IL1RAPL1: variants seen among roughly 807,000 people sequenced by gnomAD.
IL1RAPL1 encodes interleukin-1 receptor accessory protein-like 1.
A neutral mutation model predicts 48.4 loss-of-function variants in IL1RAPL1; 3 were observed. The ratio of observed to expected loss-of-function variants is 0.06; its 90% confidence interval spans 0.03 to 0.16. IL1RAPL1 has a LOEUF of 0.16. Among genes scored for constraint, IL1RAPL1 ranks in the 10% least tolerant of loss-of-function variants. The probability of loss-of-function intolerance (pLI) is 1.00; values close to 1 mark genes in which losing one functional copy is unlikely to be tolerated. For missense variants in IL1RAPL1, 349 were observed against 530.6 expected, an observed-to-expected ratio of 0.66 and a Z score of 3.36; for synonymous variants, 185 against 187.7, an observed-to-expected ratio of 0.99 and a Z score of 0.12.
At chrX:29,242,951 A>G (rs1931447951) in intron 2 of IL1RAPL1, among the ~76,000 whole-genome samples, 1 of 111,923 alleles carries the variant, frequency 8.9e-6, no homozygotes, top group African/African-American at 3.2e-5. Context: ...AGAAAACCCA[A>G]TCCTATCAAA....
Position 28,836,366 on chromosome X carries a change from C to CAG in IL1RAPL1, c.82+46961_82+46962dup, listed in dbSNP as rs764336117. The stretch of plus-strand genomic sequence containing the variant: ...TATATATATATATATATATATATGA[C>CAG]AGAGAGAGAGAGAGAGAGAGACAGA... On this transcript the variant is annotated intron_variant, in intron 2 of 10. Transcript: ENST00000378993. Among the ~76,000 whole-genome samples, 79 of 91,750 alleles carry CAG rather than the reference C, an allele frequency of 8.6e-4. 2 individuals are homozygous for CAG. The highest frequency in any genetic ancestry group is 5.0e-3 in the Admixed American group (42 of 8,397). The allele number at this position is 91,750 out of a possible 115,157, so 79.7% of individuals were successfully genotyped here.
At chrX:28,967,412 A>G (rs1924947529) in intron 2 of IL1RAPL1, among the ~76,000 whole-genome samples, 1 of 110,793 alleles carries the variant, frequency 9.0e-6, no homozygotes, top group Non-Finnish European at 1.9e-5. Context: ...TTATATCTAC[A>G]TACTGTTCTA....
At position 29,535,134 on chromosome X, in the gene IL1RAPL1, C is replaced by CAAAAAAAAA. The variant is rs35842937; in HGVS notation, c.704-133276_704-133268dup. ...GGGCAATGGAGTCAGACTCTGTCTC[C>CAAAAAAAAA]AAAAAAAAAAAAAAAAAAAAAAAAA... On this transcript the variant is annotated intron_variant, in intron 5 of 10. Coordinates refer to ENST00000378993, the MANE Select transcript of IL1RAPL1 (RefSeq NM_014271.4). Among the ~76,000 whole-genome samples the CAAAAAAAAA allele has an allele frequency of 2.2e-4, 5 of 22,585 alleles. 1 individual carries two copies. The highest frequency in any genetic ancestry group is 2.9e-4 in the Non-Finnish European group (4 of 13,993). The allele number at this position is 22,585 out of a possible 115,157, so 19.6% of individuals were successfully genotyped here.
chrX:29,910,120 C>T (rs1008003246), intron 6 of IL1RAPL1, among the ~76,000 whole-genome samples: 1 of 110,642 alleles, frequency 9.0e-6, no homozygotes, highest in Non-Finnish European at 1.9e-5. Flanking sequence ...ATGGATGGAG[C>T]GAGAGACCAT....
At chrX:28,630,109 T>TA (rs1417163406) in intron 1 of IL1RAPL1, among the ~76,000 whole-genome samples, 1 of 111,224 alleles carries the variant, frequency 9.0e-6, no homozygotes, top group Non-Finnish European at 1.9e-5. Context: ...AGAAAAGCCA[T>TA]AAAGATAGGT....
intron 5 of IL1RAPL1, among the ~76,000 whole-genome samples, chrX:29,427,318 G>A (rs933486490): frequency 8.9e-6 from 1 of 112,287 alleles, no homozygotes; most frequent in African/African-American, 3.2e-5. Context: ...CCAGAGGTGT[G>A]ACAAACCCTA....
At chrX:29,436,700 G>A (rs1258599043) in intron 5 of IL1RAPL1, among the ~76,000 whole-genome samples, 3 of 109,782 alleles carry the variant, frequency 2.7e-5, no homozygotes, top group African/African-American at 9.9e-5. Context: ...GAAGACTTAA[G>A]CTATTTGAGA....
intron 1 of IL1RAPL1, among the ~76,000 whole-genome samples, chrX:28,682,245 T>C (rs769371997): frequency 1.8e-5 from 2 of 112,067 alleles, no homozygotes; most frequent in African/African-American, 6.5e-5. Flanking sequence ...AGTGCTGCTC[T>C]GAAGATTAAT....
chrX:29,080,997 T>TTTCC (rs1927811609), intron 2 of IL1RAPL1, among the ~76,000 whole-genome samples: 4 of 46,386 alleles, frequency 8.6e-5, no homozygotes, highest in Admixed American at 6.6e-4. Flanking sequence ...TCTTTCTTTC[T>TTTCC]CTCTCTCTCT....
intron 2 of IL1RAPL1, among the ~76,000 whole-genome samples, chrX:28,950,237 A>T (rs2147354519): frequency 1.3e-5 from 1 of 74,824 alleles, no homozygotes; most frequent in Non-Finnish European, 2.5e-5. Context: ...TTTGTCAAAG[A>T]TCAGATAGTT....
intron 2 of IL1RAPL1, among the ~76,000 whole-genome samples, chrX:29,200,397 A>C (rs1930532300): frequency 9.0e-6 from 1 of 111,538 alleles, no homozygotes; most frequent in South Asian, 3.8e-4. Context: ...AAAAAGTGAC[A>C]CAGCAATAAA....
chrX:28,729,667 C>A (rs934156341), intron 1 of IL1RAPL1, among the ~76,000 whole-genome samples: 10 of 110,625 alleles, frequency 9.0e-5, no homozygotes, highest in Middle Eastern at 4.7e-3. Flanking sequence ...CTGAGCTCAT[C>A]CAAAATTTAG....
At chrX:29,613,401 T>G (rs970966792) in intron 5 of IL1RAPL1, among the ~76,000 whole-genome samples, 14 of 111,058 alleles carry the variant, frequency 1.3e-4, no homozygotes, top group Non-Finnish European at 2.6e-4. Flanking sequence ...CCCTAGCCAC[T>G]TGCTCTTCCT....
intron 2 of IL1RAPL1, among the ~76,000 whole-genome samples, chrX:29,045,234 T>G (rs1363551731): frequency 9.0e-6 from 1 of 111,731 alleles, no homozygotes; most frequent in African/African-American, 3.3e-5. Context: ...GCAAAAGATT[T>G]GTTTTAACTT....
chrX:29,182,106 C>T (rs1468576328), intron 2 of IL1RAPL1, among the ~76,000 whole-genome samples: 2 of 57,045 alleles, frequency 3.5e-5, no homozygotes, highest in African/African-American at 1.3e-4. Context: ...TTAGCCTTGC[C>T]CCCCCCCACC....
At chrX:29,787,484 AT>A (rs1929524922) in intron 6 of IL1RAPL1, among the ~76,000 whole-genome samples, 1 of 112,177 alleles carries the variant, frequency 8.9e-6, no homozygotes, top group African/African-American at 3.2e-5. Context: ...GTAATGTGTT[AT>A]TTTTTGAATA....
intron 2 of IL1RAPL1, among the ~76,000 whole-genome samples, chrX:29,221,787 C>T (rs1264818413): frequency 2.7e-5 from 3 of 109,812 alleles, no homozygotes; most frequent in African/African-American, 3.3e-5. Context: ...CCGAGGCGGG[C>T]GGATCACGAG....
intron 5 of IL1RAPL1, among the ~76,000 whole-genome samples, chrX:29,526,602 A>G (rs893739565): frequency 8.9e-6 from 1 of 112,056 alleles, no homozygotes; most frequent in Non-Finnish European, 1.9e-5. Flanking sequence ...GACAGCTACC[A>G]TATGCAAAAT....
At chrX:29,876,087 A>G (rs1931896727) in intron 6 of IL1RAPL1, among the ~76,000 whole-genome samples, 1 of 111,464 alleles carries the variant, frequency 9.0e-6, no homozygotes, top group Non-Finnish European at 1.9e-5. Flanking sequence ...TTCTACCACT[A>G]CTACCCAAGA....
Sources: gnomAD v4.1 joint callset for allele counts (sites outside exome capture counted in the v4.1 genomes callset) on GRCh38, gnomAD v4.1.1 for gene constraint, MANE v1.5 for transcripts, NCBI Gene and HGNC (gene_info 2026-07-23, HGNC 2026-07-21) for gene names.